AVEN: variants seen among roughly 807,000 people sequenced by gnomAD.
AVEN encodes the protein cell death regulator Aven.
A neutral mutation model predicts 38.1 loss-of-function variants in AVEN; 41 were observed. The observed-to-expected ratio is 1.08, with a 90% CI of 0.84 to 1.40. AVEN has a LOEUF of 1.40. AVEN is among the 40% of genes most tolerant of loss of function. AVEN has a pLI of 0.00. For missense variants in AVEN, 605 were observed against 438.8 expected, an observed-to-expected ratio of 1.38 and a Z score of -3.38; for synonymous variants, 206 against 171.8, an observed-to-expected ratio of 1.20 and a Z score of -1.56.
intron 5 of AVEN, chr15:34,062,730 T>G: frequency 1.2e-6 from 2 of 1,610,070 alleles, no homozygotes; most frequent in Non-Finnish European, 1.7e-6. Flanking sequence ...GGAAGGGGAT[T>G]CTTACCACAA....
chr15:34,072,734 C>T (rs908034880), intron 1 of AVEN, among the ~76,000 whole-genome samples: 1 of 151,160 alleles, frequency 6.6e-6, no homozygotes, highest in Non-Finnish European at 1.5e-5. Context: ...CTGCAAGCTC[C>T]GCCTCCCGGG....
At position 33,866,661 on chromosome 15, in the gene AVEN, A is replaced by AT; in HGVS notation, c.1040dup (p.Asn347LysfsTer53). 3 of 1,613,988 alleles carry AT rather than the reference A, an allele frequency of 1.9e-6. No homozygotes were observed. Among genetic ancestry groups the AT allele is most frequent in the Non-Finnish European group, 2.5e-6 (3 of 1,179,950 alleles). On this transcript the variant is annotated frameshift_variant, in exon 6 of 6. Transcript: ENST00000306730. LOFTEE classifies it high-confidence loss of function. The stretch of plus-strand genomic sequence containing the variant: ...AGTCTTCCAGCTCTTCCTCGGTAAC[A>AT]TTTTTGGAGGTACTTGGTTGCTCAG...
At chr15:33,894,470 A>G (rs1892124287) in intron 2 of AVEN, among the ~76,000 whole-genome samples, 1 of 149,844 alleles carries the variant, frequency 6.7e-6, no homozygotes, top group Non-Finnish European at 1.5e-5. Context: ...AAAGTTTAAT[A>G]AAGTAGAAGA....
chr15:33,928,478 C>T (rs1200449029), intron 2 of AVEN, among the ~76,000 whole-genome samples: 2 of 152,090 alleles, frequency 1.3e-5, no homozygotes, highest in East Asian at 1.9e-4. Context: ...GGACAGCAGA[C>T]GTAAGGCTGA....
intron 1 of AVEN, among the ~76,000 whole-genome samples, chr15:34,034,414 G>A (rs375321139): frequency 2.0e-5 from 3 of 148,510 alleles, no homozygotes; most frequent in Admixed American, 1.4e-4. Context: ...GCACTCCAGC[G>A]TGAGCAACAA....
chr15:33,948,998 C>CA (rs1387612136), intron 2 of AVEN, among the ~76,000 whole-genome samples: 1 of 151,174 alleles, frequency 6.6e-6, no homozygotes, highest in East Asian at 2.0e-4. Context: ...TTAAATATGA[C>CA]AATTCAATTC....
At chr15:34,027,673 C>T (rs1199432235) in intron 1 of AVEN, among the ~76,000 whole-genome samples, 4 of 152,108 alleles carry the variant, frequency 2.6e-5, no homozygotes, top group African/African-American at 7.2e-5. Context: ...TCCCTGACAG[C>T]TCTGTGAAAA....
At chr15:34,038,567 G>A (rs1899269885) in intron 1 of AVEN, among the ~76,000 whole-genome samples, 1 of 151,408 alleles carries the variant, frequency 6.6e-6, no homozygotes, top group African/African-American at 2.4e-5. Flanking sequence ...CGCCAGCCCG[G>A]CCAGGAGGCC....
chr15:34,065,014 A>C (rs772855294), intron 4 of AVEN: 2 of 167,084 alleles, frequency 1.2e-5, no homozygotes, highest in Non-Finnish European at 2.9e-5. Flanking sequence ...CAGAGTCTGG[A>C]AGGACTGAAA....
At chr15:34,042,174 G>T (rs912432896), upstream of AVEN, among the ~76,000 whole-genome samples, 3 of 152,116 alleles carry the variant, frequency 2.0e-5, no homozygotes, top group African/African-American at 7.2e-5. Flanking sequence ...GAGACCTTTG[G>T]ATTGCATAAA....
chr15:34,039,036 T>C lies in AVEN; in HGVS notation c.11A>G (p.Glu4Gly). The C allele has an allele frequency of 9.0e-7, 1 of 1,111,360 alleles. No homozygotes were observed. Among genetic ancestry groups the C allele is most frequent in the Non-Finnish European group, 1.1e-6 (1 of 913,386 alleles). 68.8% of individuals were successfully genotyped at this position (1,111,360 alleles called of 1,614,324 possible). A position where few individuals can be genotyped will look rare whatever the true frequency, so the allele number is the denominator to read the frequency against. The change falls in exon 1 of 6, where the codon GAG becomes GGG. Residue 4 changes from glutamate (E) to glycine (G), a missense_variant. Physicochemically the swap from Glu to Gly is moderately conservative, Grantham distance 98. Coordinates refer to ENST00000306730, the MANE Select transcript of AVEN (RefSeq NM_020371.3). ...CCCACGGCCTCCCCGAGCTCCTCGC[T>C]CCGCCTGCATCTGGCCGCCGCTGGC... MQA[E>G]RGARGGRGRR... is the part of the protein sequence containing the mutation.
chr15:33,869,932 C>T (rs1890863708), intron 4 of AVEN, among the ~76,000 whole-genome samples: 1 of 151,704 alleles, frequency 6.6e-6, no homozygotes, highest in Non-Finnish European at 1.5e-5. Flanking sequence ...CCTGTTATCT[C>T]CTGAATTTGT....
Position 34,003,169 on chromosome 15 carries a change from T to C in AVEN, c.308A>G (p.Asn103Ser), listed in dbSNP as rs760452431. Residue 103 changes from asparagine to serine, a missense_variant, in exon 2 of 6, where the codon AAT becomes AGT. Coordinates refer to ENST00000306730, the MANE Select transcript of AVEN (RefSeq NM_020371.3). ...DSDAETYGEE[N>S]DEQGNYSKRK... ...TTTAGAATAATTTCCCTGTTCATCA[T>C]TCTCTTCTCCATAGGTCTCTGCATC... 22 of 1,613,726 alleles carry C rather than the reference T, an allele frequency of 1.4e-5. No homozygotes were observed. The highest frequency in any genetic ancestry group is 1.8e-5 in the Non-Finnish European group (21 of 1,179,940).
At chr15:34,007,645 G>C (rs1188197723) in intron 1 of AVEN, among the ~76,000 whole-genome samples, 1 of 152,138 alleles carries the variant, frequency 6.6e-6, no homozygotes, top group Non-Finnish European at 1.5e-5. Context: ...TTAGGTATTG[G>C]TTAGAGCAAC....
At chr15:33,919,170 C>G (rs1337878257) in intron 2 of AVEN, among the ~76,000 whole-genome samples, 1 of 152,076 alleles carries the variant, frequency 6.6e-6, no homozygotes, top group Non-Finnish European at 1.5e-5. Context: ...ATCCACCCAC[C>G]TCGGCCTCCC....
At position 33,907,723 on chromosome 15, in the gene AVEN, A is replaced by C. The variant is rs1892759503; in HGVS notation, c.446-31728T>G. On this transcript the variant is annotated intron_variant, in intron 2 of 5. Coordinates refer to ENST00000306730, the MANE Select transcript of AVEN (RefSeq NM_020371.3). ...GAGGTTGTTTCTCTAAAGTCCTAAT[A>C]AACCTTGAAAACAATAAAGCACTAG... is the stretch of plus-strand genomic sequence containing the variant. 2.6e-5 allele frequency among the ~76,000 whole-genome samples: 4 copies of C among 152,056 alleles called. No individual in the cohort carries two copies. In the South Asian group the frequency reaches 8.3e-4, roughly 32 times the overall value.
At chr15:33,914,813 T>C (rs1390853680) in intron 2 of AVEN, among the ~76,000 whole-genome samples, 1 of 152,056 alleles carries the variant, frequency 6.6e-6, no homozygotes, top group East Asian at 1.9e-4. Flanking sequence ...ATGTAGTTCA[T>C]ATCAGTATAT....
intron 1 of AVEN, among the ~76,000 whole-genome samples, chr15:34,073,943 GAA>G (rs1448985080): frequency 2.1e-5 from 3 of 145,724 alleles, no homozygotes; most frequent in Non-Finnish European, 4.5e-5. Flanking sequence ...GAATTCTTGA[GAA>G]AAAACAATTA....
At chr15:33,996,329 G>A (rs916587439) in intron 2 of AVEN, among the ~76,000 whole-genome samples, 1 of 152,210 alleles carries the variant, frequency 6.6e-6, no homozygotes, top group African/African-American at 2.4e-5. Context: ...GAGAGGTGTG[G>A]TTCTCCCAGC....
Sources: allele counts gnomAD v4.1 joint callset (sites outside exome capture counted in the v4.1 genomes callset), GRCh38; gene constraint gnomAD v4.1.1; transcripts MANE v1.5; gene names NCBI Gene and HGNC (gene_info 2026-07-23, HGNC 2026-07-21).